Variants in GATA2 observed in about 807,000 individuals in gnomAD.
The protein encoded by GATA2 is GATA binding protein 2.
Under a neutral mutation model 35.7 loss-of-function variants are expected in GATA2, and 6 were observed. The observed-to-expected ratio is 0.17, with a 90% CI of 0.09 to 0.33. The LOEUF (loss-of-function observed/expected upper bound fraction) is 0.33, where lower values mean the gene tolerates loss of function less well. Ranked by LOEUF, GATA2 falls within the 10% of genes least tolerant of loss-of-function variation. The probability of loss-of-function intolerance (pLI) is 1.00; values close to 1 mark genes in which losing one functional copy is unlikely to be tolerated. For missense variants in GATA2, 541 were observed against 656.6 expected, an observed-to-expected ratio of 0.82 and a Z score of 1.92; for synonymous variants, 313 against 274.9, an observed-to-expected ratio of 1.14 and a Z score of -1.37.
At chr3:128,483,496 A>T (rs1163911665) in intron 4 of GATA2, among the ~76,000 whole-genome samples, 1 of 152,144 alleles carries the variant, frequency 6.6e-6, no homozygotes, top group African/African-American at 2.4e-5. Flanking sequence ...GGAGCTTGTG[A>T]GCGGGGCTGT....
rs958252405 is a variant in GATA2, at chr3:128,482,006, G to A, written c.1018-62C>T. On this transcript the variant is annotated intron_variant, in intron 4 of 5. Coordinates refer to ENST00000341105, the MANE Select transcript of GATA2 (RefSeq NM_032638.5). ...CACGCCCACCTCGACCCCCCTCCCT[G>A]ACCCTCGCTCCACCCCCAGTCCCCA... 3 of 1,597,204 alleles carry A rather than the reference G, an allele frequency of 1.9e-6. No individual in the cohort carries two copies. The African/African-American group carries it at 4.0e-5, about 21-fold the overall frequency.
At chr3:128,482,565 G>A (rs761973307) in intron 4 of GATA2, among the ~76,000 whole-genome samples, 1 of 152,204 alleles carries the variant, frequency 6.6e-6, no homozygotes, top group Non-Finnish European at 1.5e-5. Context: ...ATATTCACAT[G>A]TGGCCAGGGG....
intron 1 of GATA2, among the ~76,000 whole-genome samples, chr3:128,492,460 G>C (rs1260107136): frequency 6.6e-6 from 1 of 152,204 alleles, no homozygotes; most frequent in Non-Finnish European, 1.5e-5. Flanking sequence ...GGGGGCGCAA[G>C]CAGGAGCGAG....
intron 3 of GATA2, 138 bp from the exon 4 acceptor site, chr3:128,484,143 G>A: frequency 1.8e-6 from 2 of 1,084,496 alleles, no homozygotes; most frequent in Non-Finnish European, 2.6e-6. Flanking sequence ...GGCTGCAACA[G>A]CCTGGGCAGG....
At position 128,479,611 on chromosome 3, in the gene GATA2, T is replaced by C. The variant is rs1285852220; in HGVS notation, c.*1408A>G. The stretch of plus-strand genomic sequence containing the variant: ...AAAATACTGCCGATTCTTTTTCTTA[T>C]GCGGACACTAGTACAAAATAAGTTA... On this transcript the variant is annotated 3_prime_UTR_variant, in exon 6 of 6. Coordinates refer to ENST00000341105, the MANE Select transcript of GATA2 (RefSeq NM_032638.5). 1.7e-5 allele frequency: 4 copies of C among 233,530 alleles called. No homozygotes were observed. Among genetic ancestry groups the C allele is most frequent in the Admixed American group, 5.6e-5 (1 of 17,786 alleles). 14.5% of individuals were successfully genotyped at this position (233,530 alleles called of 1,614,324 possible).
At position 128,481,154 on chromosome 3, in the gene GATA2, G is replaced by A. The variant is rs1479026838; in HGVS notation, c.1308C>T (p.His436=). Residue 436 remains histidine, a synonymous_variant, in exon 6 of 6, where the codon CAC becomes CAT. Coordinates refer to ENST00000341105, the MANE Select transcript of GATA2 (RefSeq NM_032638.5). The part of the protein sequence containing the change: ...SPFSAAALAG[H]MAPVGHLPPF... ...GCGGGAGGTGGCCCACAGGTGCCAT[G>A]TGTCCAGCCAGGGCAGCTGCACTGA... 1 of 1,614,238 alleles carries A rather than the reference G, an allele frequency of 6.2e-7. No homozygotes were observed. Among genetic ancestry groups the A allele is most frequent in the Admixed American group, 1.7e-5 (1 of 60,028 alleles).
intron 3 of GATA2, among the ~76,000 whole-genome samples, chr3:128,484,893 C>A (rs2713601): frequency 0.99 from 151,541 of 152,316 alleles, 75,394 homozygotes; most frequent in Middle Eastern, 1. Context: ...AGGAGTACAG[C>A]CTGGCAAGAG....
rs2068688443 is a variant in GATA2 at position 128,485,865 on chromosome 3, G to A, written c.733C>T (p.Pro245Ser). The A allele has an allele frequency of 6.2e-7, 1 of 1,614,090 alleles. No individual in the cohort carries two copies. The highest frequency in any genetic ancestry group is 8.5e-7 in the Non-Finnish European group (1 of 1,179,974). ...ACATAGGAGGGGTAGGTGGGGATGG[G>A]GTGGTGTGTAGCAGGCTGGGTGCCC... ...TMGTQPATHH[P>S]IPTYPSYVPA... The change falls in exon 3 of 6, where the codon CCC becomes TCC. Residue 245 changes from proline to serine, a missense_variant. Coordinates refer to ENST00000341105, the MANE Select transcript of GATA2 (RefSeq NM_032638.5).
At position 128,486,970 on chromosome 3, in the gene GATA2, T is replaced by A. The variant is rs1576749923; in HGVS notation, c.62A>T (p.His21Leu). 6.2e-7 allele frequency: 1 copy of A among 1,610,948 alleles called. No homozygotes were observed. The highest frequency in any genetic ancestry group is 8.5e-7 in the Non-Finnish European group (1 of 1,178,758). The change falls in exon 2 of 6, where the codon CAC becomes CTC. Residue 21 changes from histidine to leucine, a missense_variant. This residue lies in a region of GATA2 where 389 missense variants were observed against 396.9 expected (regional missense o/e 0.98). Transcript: ENST00000341105. ...CAGGCCCGGGTGGTGTGAGTCGGGG[T>A]GCTGCGCATTCAGCACGGCCGGGTG... ...MAHPAVLNAQ[H>L]PDSHHPGLAH...
rs756457176 is a variant in GATA2, at chr3:128,481,017, C to A, written c.*2G>T. 1 of 1,566,924 alleles carries A rather than the reference C, an allele frequency of 6.4e-7. No individual in the cohort carries two copies. The highest frequency in any genetic ancestry group is 2.3e-5 in the East Asian group (1 of 44,416). Reference sequence around the variant, plus strand: ...GCCCGGTCCTCGACGTCCATCTGTTCCCTAGCCCATGGCGGTCACCATGCT... The same window carrying A: ...GCCCGGTCCTCGACGTCCATCTGTTACCTAGCCCATGGCGGTCACCATGCT... On this transcript the variant is annotated 3_prime_UTR_variant, in exon 6 of 6. Coordinates refer to ENST00000341105, the MANE Select transcript of GATA2 (RefSeq NM_032638.5).
chr3:128,481,373 TC>T (rs1225752821), intron 5 of GATA2, 55 bp from the exon 6 acceptor site: 12 of 1,562,330 alleles, frequency 7.7e-6, no homozygotes, highest in Non-Finnish European at 1.0e-5. Flanking sequence ...GCAACATTCC[TC>T]CCACCCCGCC....
intron 3 of GATA2, among the ~76,000 whole-genome samples, chr3:128,484,268 G>A (rs1167411061): frequency 6.6e-6 from 1 of 152,226 alleles, no homozygotes; most frequent in Non-Finnish European, 1.5e-5. Context: ...GAGGAGGGGA[G>A]GAGGGGCCCA....
In GATA2 at chr3:128,485,906, G is replaced by C; in HGVS notation, c.692C>G (p.Pro231Arg). ...CTGGGTGCCCATAGTAGCTAGGCCT[G>C]GGCGCAGGGGACTGCCACTTTCCAT... ...MKMESGSPLR[P>R]GLATMGTQPA... Residue 231 changes from proline (P) to arginine (R), a missense_variant, in exon 3 of 6, where the codon CCA (proline) becomes CGA (arginine). Pro to Arg is a moderately radical substitution (Grantham distance 103). This residue lies in a region of GATA2 where 389 missense variants were observed against 396.9 expected (regional missense o/e 0.98). Coordinates refer to ENST00000341105, the MANE Select transcript of GATA2 (RefSeq NM_032638.5). 6.2e-7 allele frequency: 1 copy of C among 1,614,160 alleles called. No homozygotes were observed. The highest frequency in any genetic ancestry group is 8.5e-7 in the Non-Finnish European group (1 of 1,179,996).
In GATA2 at chr3:128,488,898, C is replaced by T. The variant is rs890210151; in HGVS notation, c.-45-1822G>A. ...GGAGACGGAGGCTCGAAGGGAGCCCCGGGCCGAGGAGGGAGGTCCAGGACA... is the reference window on the plus strand; with the variant it reads ...GGAGACGGAGGCTCGAAGGGAGCCCTGGGCCGAGGAGGGAGGTCCAGGACA... On this transcript the variant is annotated intron_variant, in intron 1 of 5. Coordinates refer to ENST00000341105, the MANE Select transcript of GATA2 (RefSeq NM_032638.5). The surrounding 1 kb of genome is among the most constrained non-coding windows in gnomAD (Gnocchi z 5.8). Among the ~76,000 whole-genome samples, 4 of 152,140 alleles carry T rather than the reference C, an allele frequency of 2.6e-5. No homozygotes were observed. Among genetic ancestry groups the T allele is most frequent in the Non-Finnish European group, 5.9e-5 (4 of 68,010 alleles).
chr3:128,481,109 G>A lies in GATA2; in HGVS notation c.1353C>T (p.His451=). 6.2e-7 allele frequency: 1 copy of A among 1,614,066 alleles called. No individual in the cohort carries two copies. The highest frequency in any genetic ancestry group is 8.5e-7 in the Non-Finnish European group (1 of 1,179,926). The change falls in exon 6 of 6, where the codon CAC becomes CAT. Residue 451 remains histidine (H), a synonymous_variant. Coordinates refer to ENST00000341105, the MANE Select transcript of GATA2 (RefSeq NM_032638.5). Reference sequence around the variant, plus strand: ...GGATGGGCGTCGGAGTGGGCAGGATGTGTCCGGAGTGGCTGAAGGGCGGGA... The same window carrying A: ...GGATGGGCGTCGGAGTGGGCAGGATATGTCCGGAGTGGCTGAAGGGCGGGA... ...GHLPPFSHSG[H]ILPTPTPIHP...
rs1371577367 is a variant in GATA2 at position 128,479,995 on chromosome 3, C to G, written c.*1024G>C. 4.3e-6 allele frequency: 1 copy of G among 232,834 alleles called. No homozygotes were observed. Among genetic ancestry groups the G allele is most frequent in the African/African-American group, 2.2e-5 (1 of 45,320 alleles). The allele number at this position is 232,834 out of a possible 1,614,324, so 14.4% of individuals were successfully genotyped here. ...CCCACCCCCAGCTTTCATACTAGGG[C>G]TGTGGGATCCCAGCTCTTTTCCAAA... is the stretch of plus-strand genomic sequence containing the variant. On this transcript the variant is annotated 3_prime_UTR_variant, in exon 6 of 6. Transcript: ENST00000341105.
chr3:128,484,097 G>A, intron 3 of GATA2, 92 bp from the exon 4 acceptor site: 1 of 1,510,840 alleles, frequency 6.6e-7, no homozygotes, highest in Non-Finnish European at 8.9e-7. Context: ...GCCGAGCAGT[G>A]CCGGTGCCTC....
intron 5 of GATA2, 73 bp from the exon 6 acceptor site, chr3:128,481,391 T>TC: frequency 6.5e-7 from 1 of 1,541,044 alleles, no homozygotes. Flanking sequence ...CGCCACAGCG[T>TC]GGACCAGAGG....
chr3:128,489,525 C>T (rs919976128), intron 1 of GATA2: 3 of 152,376 alleles, frequency 2.0e-5, no homozygotes, highest in Non-Finnish European at 2.9e-5. Context: ...TCCCGCTCCC[C>T]TCCACGCTGG....
Sources: gnomAD v4.1 joint callset for allele counts (sites outside exome capture counted in the v4.1 genomes callset) on GRCh38, gnomAD v4.1.1 for gene constraint, gnomAD v4.1.1 regional missense constraint, Gnocchi (gnomAD v3.1) non-coding constraint, MANE v1.5 for transcripts, NCBI Gene and HGNC (gene_info 2026-07-23, HGNC 2026-07-21) for gene names.